GPALPP1: variants seen among roughly 807,000 people sequenced by gnomAD.
GPALPP1 encodes the protein GPALPP motifs containing 1.
Under a neutral mutation model 38.9 loss-of-function variants are expected in GPALPP1, and 30 were observed. The observed-to-expected ratio is 0.77, with a 90% confidence interval of 0.58 to 1.05. The LOEUF is 1.05. GPALPP1 is among the 50% of genes least tolerant of loss of function. The pLI, the probability that GPALPP1 is intolerant of heterozygous loss-of-function variation, is 0.00. For synonymous variants in GPALPP1, 120 were observed against 139.2 expected, an observed-to-expected ratio of 0.86 and a Z score of 0.97; for missense variants, 384 against 408.8, an observed-to-expected ratio of 0.94 and a Z score of 0.52.
In GPALPP1 at chr13:45,020,341, A is replaced by T. The variant is rs769781122; in HGVS notation, c.717A>T (p.Glu239Asp). The T allele has an allele frequency of 9.7e-6, 14 of 1,440,044 alleles. No individual in the cohort carries two copies. The highest frequency in any genetic ancestry group is 6.9e-5 in the South Asian group (6 of 87,274). The allele number at this position is 1,440,044 out of a possible 1,614,324, so 89.2% of individuals were successfully genotyped here. The change falls in exon 7 of 8, where the codon GAA becomes GAT. Residue 239 changes from glutamate to aspartate, a missense_variant. Physicochemically the swap from Glu to Asp is conservative, Grantham distance 45 (BLOSUM62 2). Coordinates refer to ENST00000379151, the MANE Select transcript of GPALPP1 (RefSeq NM_018559.5). ...DRERKAKETQ[E>D]ARKSSSKKDE... The stretch of plus-strand genomic sequence containing the variant: ...TGTTCATTCCTCAGGAAACACAAGA[A>T]GCAAGGAAGTCATCCAGTAAGAAAG...
At chr13:45,014,105 T>C (rs1874665647) in intron 4 of GPALPP1, among the ~76,000 whole-genome samples, 1 of 152,202 alleles carries the variant, frequency 6.6e-6, no homozygotes, top group Admixed American at 6.5e-5. Flanking sequence ...TTAAACCATC[T>C]CTTATTAAGA....
Position 45,028,176 on chromosome 13 carries a change from AAT to A in GPALPP1, c.*176_*177del, listed in dbSNP as rs1254817599. ...GAAAAGTCAGCCTTGTGGGATGAAAAATATGTCTTACTGGAAAAATCCCTCAT... is the reference window on the plus strand; with the variant it reads ...GAAAAGTCAGCCTTGTGGGATGAAAAATGTCTTACTGGAAAAATCCCTCAT... On this transcript the variant is annotated 3_prime_UTR_variant, in exon 8 of 8. Coordinates refer to ENST00000379151, the MANE Select transcript of GPALPP1 (RefSeq NM_018559.5). 4 of 377,326 alleles carry A rather than the reference AAT, an allele frequency of 1.1e-5. No homozygotes were observed. Among genetic ancestry groups the A allele is most frequent in the Non-Finnish European group, 1.9e-5 (4 of 214,102 alleles). The allele number at this position is 377,326 out of a possible 1,614,324, so 23.4% of individuals were successfully genotyped here.
intron 7 of GPALPP1, among the ~76,000 whole-genome samples, chr13:45,027,264 C>T (rs552672764): frequency 9.9e-5 from 15 of 151,814 alleles, no homozygotes; most frequent in Non-Finnish European, 1.8e-4. Context: ...TTACTAGATA[C>T]ATCTGAAAAT....
chr13:45,009,681 A>G (rs1188790419), intron 4 of GPALPP1, among the ~76,000 whole-genome samples: 1 of 152,228 alleles, frequency 6.6e-6, no homozygotes, highest in Non-Finnish European at 1.5e-5. Context: ...TAAGAATTCA[A>G]CAGTTACACT....
At chr13:44,994,679 G>A (rs980250027) in intron 1 of GPALPP1, among the ~76,000 whole-genome samples, 4 of 152,124 alleles carry the variant, frequency 2.6e-5, no homozygotes, top group African/African-American at 7.2e-5. Flanking sequence ...GCCTCCTCAC[G>A]TGATAAACAT....
intron 6 of GPALPP1, among the ~76,000 whole-genome samples, chr13:45,018,651 T>C (rs1875055452): frequency 6.6e-6 from 1 of 151,884 alleles, no homozygotes; most frequent in Non-Finnish European, 1.5e-5. Flanking sequence ...AATACAGTGT[T>C]GTTTTAGTCC....
Position 45,027,982 on chromosome 13 carries a change from CA to C in GPALPP1, c.1005del (p.Gly336AlafsTer7), listed in dbSNP as rs767597046. ...RELNTRFSHG[K>X]GNMFL ...AACTAAACACCAGATTTTCACACGG[CA>C]AAGGCAATATGTTTTTATAAGTAAG... is the stretch of plus-strand genomic sequence containing the variant. On this transcript the variant is annotated frameshift_variant, in exon 8 of 8. Transcript: ENST00000379151. LOFTEE classifies it high-confidence loss of function. 3 of 1,592,820 alleles carry C rather than the reference CA, an allele frequency of 1.9e-6. No homozygotes were observed. The highest frequency in any genetic ancestry group is 2.6e-6 in the Non-Finnish European group (3 of 1,161,362).
intron 1 of GPALPP1, among the ~76,000 whole-genome samples, chr13:44,996,784 C>CTTTTTT (rs770919969): frequency 2.7e-4 from 22 of 80,382 alleles, no homozygotes; most frequent in African/African-American, 7.3e-4. Context: ...TGCCCAGCCT[C>CTTTTTT]TTTTTTTTTT....
chr13:44,994,801 T>A (rs1434002119), intron 1 of GPALPP1, among the ~76,000 whole-genome samples: 2 of 152,202 alleles, frequency 1.3e-5, no homozygotes, highest in Non-Finnish European at 2.9e-5. Flanking sequence ...GTTCAGAATA[T>A]CACATTATAT....
At chr13:44,995,199 CACA>C (rs1873170872) in intron 1 of GPALPP1, among the ~76,000 whole-genome samples, 1 of 35,298 alleles carries the variant, frequency 2.8e-5, no homozygotes, top group African/African-American at 4.8e-5. Flanking sequence ...CACACACACA[CACA>C]CCCCTTCTCT....
intron 4 of GPALPP1, among the ~76,000 whole-genome samples, chr13:45,009,627 T>A (rs1185172702): frequency 6.6e-6 from 1 of 152,222 alleles, no homozygotes; most frequent in Non-Finnish European, 1.5e-5. Flanking sequence ...AGTGCCTTCC[T>A]ATGTATGAAT....
chr13:44,989,561 C>G lies in GPALPP1; in HGVS notation c.-94C>G. On this transcript the variant is annotated 5_prime_UTR_variant, in exon 1 of 8. Transcript: ENST00000379151. Reference sequence around the variant, plus strand: ...ACGTCATTTCTCGGCGCCGGGAAACCTGCCATTCTTCGCTGCTGATCGCGG... The same window carrying G: ...ACGTCATTTCTCGGCGCCGGGAAACGTGCCATTCTTCGCTGCTGATCGCGG... The G allele has an allele frequency of 1.3e-6, 2 of 1,489,430 alleles. No individual in the cohort carries two copies. Among genetic ancestry groups the G allele is most frequent in the Non-Finnish European group, 1.9e-6 (2 of 1,075,082 alleles). The allele number at this position is 1,489,430 out of a possible 1,614,324, so 92.3% of individuals were successfully genotyped here.
chr13:45,016,433 A>G (rs1874872933), intron 6 of GPALPP1, among the ~76,000 whole-genome samples: 1 of 152,138 alleles, frequency 6.6e-6, no homozygotes, highest in Non-Finnish European at 1.5e-5. Flanking sequence ...CAGCCTGGGC[A>G]ACAGAGCGAG....
intron 1 of GPALPP1, among the ~76,000 whole-genome samples, chr13:44,999,567 C>A (rs1171199821): frequency 4.6e-5 from 7 of 152,120 alleles, no homozygotes; most frequent in Non-Finnish European, 8.8e-5. Context: ...CGTATACTGA[C>A]TGACACTTTT....
intron 4 of GPALPP1, among the ~76,000 whole-genome samples, chr13:45,012,345 AGT>A (rs1874538043): frequency 6.6e-6 from 1 of 152,190 alleles, no homozygotes; most frequent in Non-Finnish European, 1.5e-5. Context: ...TCTGAAAAAA[AGT>A]GTGTGTCTGT....
chr13:45,023,031 C>A lies in GPALPP1; in HGVS notation c.804+2603C>A, dbSNP rs573809796. Among the ~76,000 whole-genome samples, 3 of 151,332 alleles carry A rather than the reference C, an allele frequency of 2.0e-5. No homozygotes were observed. In the East Asian group the frequency reaches 5.8e-4, roughly 29 times the overall value. ...ACTCCAGTGCAGGGTCTACACAGAG[C>A]AAGACCTGTCTCTAAAAAACTTTTT... On this transcript the variant is annotated intron_variant, in intron 7 of 7. Coordinates refer to ENST00000379151, the MANE Select transcript of GPALPP1 (RefSeq NM_018559.5).
chr13:44,991,184 C>T (rs180729323), intron 1 of GPALPP1, among the ~76,000 whole-genome samples: 73 of 152,220 alleles, frequency 4.8e-4, no homozygotes, highest in Non-Finnish European at 6.3e-4. Flanking sequence ...TGCGGTGGCT[C>T]ACGCCTGTGA....
At position 45,028,698 on chromosome 13, in the gene GPALPP1, G is replaced by A. The variant is rs923359299; in HGVS notation, c.*695G>A. 4 of 152,152 alleles carry A rather than the reference G, an allele frequency of 2.6e-5. No homozygotes were observed. The highest frequency in any genetic ancestry group is 9.7e-5 in the African/African-American group (4 of 41,320). The allele number at this position is 152,152 out of a possible 1,614,324, so 9.4% of individuals were successfully genotyped here. ...TTGAGCCCAGGAATTCAAGGCAGCAGTGAGCTGTGATTGTGCCATTGCACT... is the reference window on the plus strand; with the variant it reads ...TTGAGCCCAGGAATTCAAGGCAGCAATGAGCTGTGATTGTGCCATTGCACT... On this transcript the variant is annotated 3_prime_UTR_variant, in exon 8 of 8. Coordinates refer to ENST00000379151, the MANE Select transcript of GPALPP1 (RefSeq NM_018559.5).
intron 6 of GPALPP1, among the ~76,000 whole-genome samples, chr13:45,019,057 A>G (rs1393692480): frequency 3.4e-5 from 1 of 29,474 alleles, no homozygotes; most frequent in Non-Finnish European, 1.1e-4. Context: ...AAATATAAAT[A>G]TATACATATA....
Sources: allele counts gnomAD v4.1 joint callset (sites outside exome capture counted in the v4.1 genomes callset), GRCh38; gene constraint gnomAD v4.1.1; transcripts MANE v1.5; gene names NCBI Gene and HGNC (gene_info 2026-07-23, HGNC 2026-07-21).